BIRC5: variants seen among roughly 807,000 people sequenced by gnomAD.
The protein encoded by BIRC5 is baculoviral IAP repeat-containing protein 5.
BIRC5 carries 8 observed loss-of-function variants against 15.8 expected under a neutral mutation model. That is an observed-to-expected ratio of 0.51 (90% CI 0.30 to 0.91). BIRC5 has a LOEUF of 0.91. Ranked by LOEUF, BIRC5 falls within the 40% of genes least tolerant of loss-of-function variation. The probability of loss-of-function intolerance (pLI) is 0.07; values close to 1 mark genes in which losing one functional copy is unlikely to be tolerated. For synonymous variants in BIRC5, 56 were observed against 64.5 expected, an observed-to-expected ratio of 0.87 and a Z score of 0.63; for missense variants, 163 against 178.6, an observed-to-expected ratio of 0.91 and a Z score of 0.50.
Position 78,223,662 on chromosome 17 carries a change from G to A in BIRC5, c.*108G>A. ...GGCCCCTTAGCAATGTCTTAGGAAA[G>A]GAGATCAACATTTTCAAATTAGATG... On this transcript the variant is annotated 3_prime_UTR_variant, in exon 4 of 4. Coordinates refer to ENST00000350051, the MANE Select transcript of BIRC5 (RefSeq NM_001168.3). 6.5e-7 allele frequency: 1 copy of A among 1,543,258 alleles called. No individual in the cohort carries two copies. The highest frequency in any genetic ancestry group is 8.7e-7 in the Non-Finnish European group (1 of 1,143,722).
chr17:78,221,048 T>A (rs773927089), intron 3 of BIRC5, among the ~76,000 whole-genome samples: 1 of 152,242 alleles, frequency 6.6e-6, no homozygotes, highest in Non-Finnish European at 1.5e-5. Flanking sequence ...GCGCTGATTC[T>A]TGTTCCTGCT....
At chr17:78,215,157 G>A (rs2076468654) in intron 2 of BIRC5, 2 of 185,296 alleles carry the variant, frequency 1.1e-5, no homozygotes, top group South Asian at 1.5e-4. Flanking sequence ...CCCTTTGAAA[G>A]TGTGCACTTC....
At position 78,216,863 on chromosome 17, in the gene BIRC5, T is replaced by C. The variant is rs2076482048; in HGVS notation, c.339+82T>C. 2.7e-6 allele frequency: 3 copies of C among 1,093,304 alleles called. No individual in the cohort carries two copies. The South Asian group carries it at 4.2e-5, about 15-fold the overall frequency. The allele number at this position is 1,093,304 out of a possible 1,614,324, so 67.7% of individuals were successfully genotyped here. A position where few individuals can be genotyped will look rare whatever the true frequency, so the allele number is the denominator to read the frequency against. ...TACCTAGTCCCTCAAAGGGACTCTGTGTTTTCCTCAGGAAGCATTTTTTTT... is the reference window on the plus strand; with the variant it reads ...TACCTAGTCCCTCAAAGGGACTCTGCGTTTTCCTCAGGAAGCATTTTTTTT... On this transcript the variant is annotated intron_variant, in intron 3 of 3. Transcript: ENST00000350051.
chr17:78,219,898 G>C (rs1567865280), intron 3 of BIRC5, among the ~76,000 whole-genome samples: 1 of 152,226 alleles, frequency 6.6e-6, no homozygotes, highest in African/African-American at 2.4e-5. Flanking sequence ...CATGGGCACA[G>C]GGGAGGAGCA....
At position 78,223,582 on chromosome 17, in the gene BIRC5, A is replaced by G. The variant is rs561843820; in HGVS notation, c.*28A>G. 6.2e-7 allele frequency: 1 copy of G among 1,613,598 alleles called. No homozygotes were observed. Among genetic ancestry groups the G allele is most frequent in the Admixed American group, 1.7e-5 (1 of 59,960 alleles). ...CCTCTGGCCGGAGCTGCCTGGTCCC[A>G]GAGTGGCTGCACCACTTCCAGGGTT... On this transcript the variant is annotated 3_prime_UTR_variant, in exon 4 of 4. Coordinates refer to ENST00000350051, the MANE Select transcript of BIRC5 (RefSeq NM_001168.3).
chr17:78,215,857 TAGTC>T lies in BIRC5; in HGVS notation c.222-803_222-800del, dbSNP rs1227087649. On this transcript the variant is annotated intron_variant, in intron 2 of 3. Transcript: ENST00000350051. ...TGTAATGCAGTTCTGGTAACGGTGATAGTCAGTTATACAGGGAGACTCCCCTAGC... is the reference window on the plus strand; with the variant it reads ...TGTAATGCAGTTCTGGTAACGGTGATAGTTATACAGGGAGACTCCCCTAGC... The T allele has an allele frequency of 2.7e-5, 28 of 1,054,826 alleles. No homozygotes were observed. In the East Asian group the frequency reaches 4.7e-4, roughly 18 times the overall value. The allele number at this position is 1,054,826 out of a possible 1,614,324, so 65.3% of individuals were successfully genotyped here.
Position 78,216,685 on chromosome 17 carries a change from G to A in BIRC5, c.243G>A (p.Ser81=), listed in dbSNP as rs371975672. ...CTAGAGAGGAACATAAAAAGCATTC[G>A]TCCGGTTGCGCTTTCCTTTCTGTCA... The part of the protein sequence containing the change: ...DDPIEEHKKH[S]SGCAFLSVKK... The change falls in exon 3 of 4, where the codon TCG becomes TCA. Residue 81 remains serine (S), a synonymous_variant. Coordinates refer to ENST00000350051, the MANE Select transcript of BIRC5 (RefSeq NM_001168.3). 668 of 1,613,576 alleles carry A rather than the reference G, an allele frequency of 4.1e-4. No individual in the cohort carries two copies. The highest frequency in any genetic ancestry group is 5.2e-4 in the Non-Finnish European group (612 of 1,179,766).
intron 3 of BIRC5, among the ~76,000 whole-genome samples, chr17:78,217,245 G>A (rs529139022): frequency 1.9e-4 from 28 of 150,540 alleles, no homozygotes; most frequent in South Asian, 8.4e-4. Flanking sequence ...GCCTGATCTC[G>A]GATCACTGCA....
intron 2 of BIRC5, among the ~76,000 whole-genome samples, chr17:78,215,407 A>T (rs1303409911): frequency 6.6e-6 from 1 of 151,612 alleles, no homozygotes; most frequent in Non-Finnish European, 1.5e-5. Context: ...ACAGAGCGAG[A>T]CTCCGTCATA....
intron 2 of BIRC5, among the ~76,000 whole-genome samples, chr17:78,215,329 A>C (rs979968589): frequency 2.0e-5 from 3 of 152,126 alleles, no homozygotes; most frequent in Non-Finnish European, 4.4e-5. Flanking sequence ...AGGCAGGAGA[A>C]TCGCTTGAAC....
chr17:78,223,757 C>T lies in BIRC5; in HGVS notation c.*203C>T, dbSNP rs1192294254. The T allele has an allele frequency of 1.7e-6, 2 of 1,168,872 alleles. No individual in the cohort carries two copies. The highest frequency in any genetic ancestry group is 2.3e-6 in the Non-Finnish European group (2 of 884,012). The allele number at this position is 1,168,872 out of a possible 1,614,324, so 72.4% of individuals were successfully genotyped here. On this transcript the variant is annotated 3_prime_UTR_variant, in exon 4 of 4. Transcript: ENST00000350051. Reference sequence around the variant, plus strand: ...GCTTCTGCCTGTGCAGCGGGTGCTGCTGGTAACAGTGGCTGCTTCTCTCTC... The same window carrying T: ...GCTTCTGCCTGTGCAGCGGGTGCTGTTGGTAACAGTGGCTGCTTCTCTCTC...
In BIRC5 at chr17:78,223,405, C is replaced by G. The variant is rs2076527931; in HGVS notation, c.340-60C>G. 8 of 1,455,298 alleles carry G rather than the reference C, an allele frequency of 5.5e-6. No individual in the cohort carries two copies. The East Asian group carries it at 1.6e-4, about 30-fold the overall frequency. The allele number at this position is 1,455,298 out of a possible 1,614,324, so 90.1% of individuals were successfully genotyped here. The stretch of plus-strand genomic sequence containing the variant: ...ATTGTTTTTTCCTTTGTCATCTTAT[C>G]TACAGGATGTGACTGGGAAGCTCTG... On this transcript the variant is annotated intron_variant, in intron 3 of 3. Transcript: ENST00000350051.
chr17:78,215,278 A>G (rs1405345614), intron 2 of BIRC5, among the ~76,000 whole-genome samples: 1 of 152,172 alleles, frequency 6.6e-6, no homozygotes, highest in East Asian at 1.9e-4. Context: ...TTAGCCGGGC[A>G]TGGTAGCGCA....
intron 3 of BIRC5, chr17:78,222,919 T>C (rs1396739664): frequency 6.5e-6 from 10 of 1,534,546 alleles, no homozygotes; most frequent in Non-Finnish European, 8.7e-6. Context: ...AAGAGCCTGA[T>C]GTTTGCCAGG....
chr17:78,215,854 T>A, intron 2 of BIRC5: 1 of 1,051,622 alleles, frequency 9.5e-7, no homozygotes, highest in Non-Finnish European at 1.2e-6. Context: ...CTGGTAACGG[T>A]GATAGTCAGT....
chr17:78,216,480 A>G, intron 2 of BIRC5, 184 bp from the exon 3 acceptor site: 1 of 579,708 alleles, frequency 1.7e-6, no homozygotes, highest in East Asian at 2.9e-5. Flanking sequence ...AGAAGGTGCT[A>G]AGAGGTGCCA....
intron 3 of BIRC5, among the ~76,000 whole-genome samples, chr17:78,223,162 C>T (rs532327780): frequency 2.6e-5 from 4 of 152,256 alleles, no homozygotes; most frequent in African/African-American, 4.8e-5. Flanking sequence ...GAGCACCCAG[C>T]GCAGGATCAC....
chr17:78,215,528 G>A (rs1042830059), intron 2 of BIRC5, among the ~76,000 whole-genome samples: 1 of 151,502 alleles, frequency 6.6e-6, no homozygotes, highest in African/African-American at 2.4e-5. Context: ...GTACTCGGAT[G>A]GTATCTGTCT....
Position 78,223,923 on chromosome 17 carries a change from G to C in BIRC5, c.*369G>C. 3.0e-6 allele frequency: 1 copy of C among 328,810 alleles called. No individual in the cohort carries two copies. Among genetic ancestry groups the C allele is most frequent in the Non-Finnish European group, 5.6e-6 (1 of 179,180 alleles). 20.4% of individuals were successfully genotyped at this position (328,810 alleles called of 1,614,324 possible). ...GTGGGCAGAGCCTTCCACAGTGAAT[G>C]TGTCTGGACCTCATGTTGTTGAGGC... On this transcript the variant is annotated 3_prime_UTR_variant, in exon 4 of 4. Transcript: ENST00000350051.
Sources: gnomAD v4.1 joint callset for allele counts (sites outside exome capture counted in the v4.1 genomes callset) on GRCh38, gnomAD v4.1.1 for gene constraint, MANE v1.5 for transcripts, NCBI Gene and HGNC (gene_info 2026-07-23, HGNC 2026-07-21) for gene names.